Variants in ARMC8 observed in about 807,000 individuals in gnomAD.
The protein encoded by ARMC8 is armadillo repeat containing 8.
In ARMC8, 20 loss-of-function variants were observed where a neutral mutation model predicts 99.3. The ratio of observed to expected loss-of-function variants is 0.20; its 90% CI spans 0.14 to 0.29. ARMC8 has a LOEUF of 0.29. Among genes scored for constraint, ARMC8 ranks in the 10% least tolerant of loss-of-function variants. The pLI, the probability that ARMC8 is intolerant of heterozygous loss-of-function variation, is 1.00. For missense variants in ARMC8, 569 were observed against 809.5 expected (o/e 0.70, Z 3.60); for synonymous variants, 263 against 278.3 (o/e 0.95, Z 0.55).
At chr3:138,242,059 A>C in intron 11 of ARMC8, 76 bp downstream of exon 11, 1 of 1,172,846 alleles carries the variant, frequency 8.5e-7, no homozygotes. Context: ...GTTTTGAACC[A>C]ATTGATAACT....
At chr3:138,273,886 C>T (rs533783797) in intron 17 of ARMC8, among the ~76,000 whole-genome samples, 15 of 151,708 alleles carry the variant, frequency 9.9e-5, no homozygotes, top group South Asian at 6.3e-4. Flanking sequence ...GCACAGTCTC[C>T]GGTCATTGCA....
intron 9 of ARMC8, chr3:138,238,745 T>G (rs2046458522): frequency 6.6e-6 from 1 of 152,236 alleles, no homozygotes; most frequent in South Asian, 2.1e-4. Context: ...ATTTTACCTG[T>G]TTATAACTTT....
intron 5 of ARMC8, among the ~76,000 whole-genome samples, chr3:138,227,219 GAC>G (rs1204102545): frequency 6.6e-6 from 1 of 152,156 alleles, no homozygotes; most frequent in East Asian, 1.9e-4. Context: ...CAGATATATA[GAC>G]ACAATTGACA....
chr3:138,206,542 GTA>G (rs1177295248), intron 1 of ARMC8, among the ~76,000 whole-genome samples: 1 of 152,182 alleles, frequency 6.6e-6, no homozygotes, highest in Non-Finnish European at 1.5e-5. Context: ...CTACCCCTAG[GTA>G]GGTGCACAGT....
At chr3:138,194,113 G>A (rs2043556041) in intron 1 of ARMC8, among the ~76,000 whole-genome samples, 1 of 151,106 alleles carries the variant, frequency 6.6e-6, no homozygotes, top group Non-Finnish European at 1.5e-5. Flanking sequence ...CGCGACCTCA[G>A]CTCACTGCAA....
At chr3:138,215,377 C>T (rs1383224740) in intron 2 of ARMC8, among the ~76,000 whole-genome samples, 6 of 151,902 alleles carry the variant, frequency 3.9e-5, no homozygotes, top group East Asian at 1.9e-4. Flanking sequence ...CCACCATGCC[C>T]GGCTAATTTT....
At chr3:138,201,532 G>A (rs2044079411) in intron 1 of ARMC8, among the ~76,000 whole-genome samples, 1 of 123,324 alleles carries the variant, frequency 8.1e-6, no homozygotes, top group Non-Finnish European at 1.6e-5. Flanking sequence ...TGCACTCTTG[G>A]CTCACAGCAA....
chr3:138,218,183 A>C (rs1251372606), intron 2 of ARMC8, among the ~76,000 whole-genome samples: 1 of 152,194 alleles, frequency 6.6e-6, no homozygotes, highest in Non-Finnish European at 1.5e-5. Context: ...AGTTTACCTA[A>C]TGAATGCTAT....
intron 2 of ARMC8, among the ~76,000 whole-genome samples, chr3:138,210,586 G>T (rs553279394): frequency 5.6e-4 from 85 of 152,246 alleles, no homozygotes; most frequent in South Asian, 2.5e-3. Flanking sequence ...TGGGAAATGT[G>T]AAGGATCCAC....
intron 15 of ARMC8, among the ~76,000 whole-genome samples, chr3:138,267,794 A>G (rs2048411099): frequency 6.6e-6 from 1 of 152,176 alleles, no homozygotes; most frequent in Non-Finnish European, 1.5e-5. Context: ...GGAAAACCTT[A>G]TACAGTTAGT....
intron 1 of ARMC8, 84 bp downstream of exon 1, chr3:138,187,683 C>T: frequency 7.0e-7 from 1 of 1,425,700 alleles, no homozygotes; most frequent in Non-Finnish European, 9.5e-7. Context: ...TGGTGTGCCT[C>T]CTGGGCACCA....
chr3:138,253,847 AGTCT>A (rs1453198609), intron 12 of ARMC8, among the ~76,000 whole-genome samples: 1 of 152,214 alleles, frequency 6.6e-6, no homozygotes, highest in Non-Finnish European at 1.5e-5. Context: ...GTGTGTAAAA[AGTCT>A]GTCCACACTG....
rs187224265 is a variant in ARMC8 at position 138,215,317 on chromosome 3, A to G, written c.122+5424A>G. 3.3e-5 allele frequency among the ~76,000 whole-genome samples: 5 copies of G among 152,130 alleles called. No homozygotes were observed. In the East Asian group the frequency reaches 7.7e-4, roughly 24 times the overall value. ...CTGCAACCTCTGCCTCCCGGGTTCA[A>G]GTGATTCTCCTGCCTCAGCCTCCCA... On this transcript the variant is annotated intron_variant, in intron 2 of 21. Coordinates refer to ENST00000469044, the MANE Select transcript of ARMC8 (RefSeq NM_001363941.2).
intron 12 of ARMC8, among the ~76,000 whole-genome samples, chr3:138,253,262 A>G (rs2047227387): frequency 3.9e-5 from 6 of 152,150 alleles, no homozygotes; most frequent in Admixed American, 3.3e-4. Context: ...TATAACTACT[A>G]CCATTTGTTG....
intron 6 of ARMC8, among the ~76,000 whole-genome samples, chr3:138,231,815 G>A (rs1036256985): frequency 1.3e-5 from 2 of 151,836 alleles, no homozygotes; most frequent in Non-Finnish European, 2.9e-5. Context: ...GAGGACTTAG[G>A]TGCTTCCCAC....
chr3:138,256,600 C>G (rs960328207), intron 12 of ARMC8, among the ~76,000 whole-genome samples: 2 of 149,916 alleles, frequency 1.3e-5, no homozygotes, highest in Non-Finnish European at 2.9e-5. Context: ...TTAGTAGAGA[C>G]GGGGTTTCAC....
At chr3:138,282,375 C>T (rs531369302) in intron 18 of ARMC8, among the ~76,000 whole-genome samples, 31 of 152,094 alleles carry the variant, frequency 2.0e-4, no homozygotes, top group Non-Finnish European at 4.0e-4. Context: ...AGGCTGGGCA[C>T]GGTGGCTCAT....
chr3:138,212,524 G>A (rs890011216), intron 2 of ARMC8, among the ~76,000 whole-genome samples: 1 of 152,010 alleles, frequency 6.6e-6, no homozygotes, highest in African/African-American at 2.4e-5. Context: ...GGTCAGGCTG[G>A]TCTCGAACTC....
intron 17 of ARMC8, among the ~76,000 whole-genome samples, chr3:138,273,782 G>A (rs1419177888): frequency 6.6e-6 from 1 of 151,426 alleles, no homozygotes; most frequent in Non-Finnish European, 1.5e-5. Flanking sequence ...CATGTCTCTG[G>A]CTTCCCCCAT....
Sources: allele counts gnomAD v4.1 joint callset (sites outside exome capture counted in the v4.1 genomes callset), GRCh38; gene constraint gnomAD v4.1.1; transcripts MANE v1.5; gene names NCBI Gene and HGNC (gene_info 2026-07-23, HGNC 2026-07-21).